Variants in THRB observed in about 807,000 individuals in gnomAD.
The protein encoded by THRB is nuclear receptor subfamily 1 group A member 2.
Under a neutral mutation model 47.8 loss-of-function variants are expected in THRB, and 12 were observed. The ratio of observed to expected loss-of-function variants is 0.25; its 90% confidence interval spans 0.16 to 0.41. The LOEUF (loss-of-function observed/expected upper bound fraction) is 0.41, where lower values mean the gene tolerates loss of function less well. THRB is among the 10% of genes least tolerant of loss of function. The pLI is 1.00. For synonymous variants in THRB, 218 were observed against 212.2 expected (o/e 1.03, Z -0.24); for missense variants, 348 against 589.2 (o/e 0.59, Z 4.24).
chr3:24,279,792 T>C (rs2054349598), intron 3 of THRB, among the ~76,000 whole-genome samples: 1 of 152,114 alleles, frequency 6.6e-6, no homozygotes, highest in African/African-American at 2.4e-5. Context: ...CACTGAAAAA[T>C]TCCTTTTTAA....
At chr3:24,138,916 A>G (rs1483832818) in intron 8 of THRB, among the ~76,000 whole-genome samples, 1 of 152,230 alleles carries the variant, frequency 6.6e-6, no homozygotes, top group African/African-American at 2.4e-5. Context: ...TTGCATGAAA[A>G]TTAAGGGAGC....
In THRB at chr3:24,392,036, A is replaced by G. The variant is rs115277548; in HGVS notation, c.-260-54665T>C. 4.4e-3 allele frequency among the ~76,000 whole-genome samples: 662 copies of G among 151,788 alleles called. 3 individuals carry two copies. The highest frequency in any genetic ancestry group is 6.8e-3 in the Non-Finnish European group (464 of 67,880). ...GTGTTCTACTGCCCTCATGGTGGCG[A>G]CCCCGCTGAGAATTTTGCCATTTCC... On this transcript the variant is annotated intron_variant, in intron 1 of 10. Coordinates refer to ENST00000646209, the MANE Select transcript of THRB (RefSeq NM_001354712.2).
intron 2 of THRB, among the ~76,000 whole-genome samples, chr3:24,315,149 G>A (rs535019485): frequency 1.3e-5 from 2 of 152,234 alleles, no homozygotes; most frequent in East Asian, 3.9e-4. Flanking sequence ...TTGTCCATTG[G>A]AAGCCCATGC....
chr3:24,345,535 G>A (rs190323543), intron 1 of THRB, among the ~76,000 whole-genome samples: 11 of 152,202 alleles, frequency 7.2e-5, no homozygotes, highest in African/African-American at 2.2e-4. Flanking sequence ...CTCAAGTTCC[G>A]TAATAGGACA....
intron 1 of THRB, among the ~76,000 whole-genome samples, chr3:24,468,635 A>G (rs1311403469): frequency 6.6e-6 from 1 of 152,188 alleles, no homozygotes; most frequent in Non-Finnish European, 1.5e-5. Flanking sequence ...CAGCAGTTAG[A>G]CACACACATT....
intron 5 of THRB, among the ~76,000 whole-genome samples, chr3:24,153,223 G>A (rs1229685636): frequency 7.9e-5 from 12 of 152,288 alleles, no homozygotes; most frequent in South Asian, 4.1e-4. Context: ...GAAAGGTCCC[G>A]GGAGATGACG....
At chr3:24,412,806 C>G (rs2068419677) in intron 1 of THRB, among the ~76,000 whole-genome samples, 1 of 151,652 alleles carries the variant, frequency 6.6e-6, no homozygotes, top group Admixed American at 6.6e-5. Flanking sequence ...AAAGTTCATA[C>G]AAGATTATTA....
chr3:24,213,496 T>C (rs570812336), intron 4 of THRB, among the ~76,000 whole-genome samples: 13 of 152,242 alleles, frequency 8.5e-5, no homozygotes, highest in Admixed American at 7.8e-4. Flanking sequence ...CCCTGGTCAA[T>C]ATTTCCAGTT....
chr3:24,203,005 T>C (rs567540020), intron 4 of THRB, among the ~76,000 whole-genome samples: 3 of 152,348 alleles, frequency 2.0e-5, no homozygotes, highest in Non-Finnish European at 4.4e-5. Flanking sequence ...GTAATTACTA[T>C]GGGCCATTTC....
intron 3 of THRB, among the ~76,000 whole-genome samples, chr3:24,230,727 A>G (rs2048175334): frequency 6.6e-6 from 1 of 152,140 alleles, no homozygotes; most frequent in Non-Finnish European, 1.5e-5. Context: ...CCACTCCTGA[A>G]TATTCTAAAG....
chr3:24,278,508 A>T (rs1425868103), intron 3 of THRB, among the ~76,000 whole-genome samples: 1 of 152,232 alleles, frequency 6.6e-6, no homozygotes, highest in Non-Finnish European at 1.5e-5. Flanking sequence ...TTGCTTCTGA[A>T]TAGAAAGCAT....
intron 2 of THRB, among the ~76,000 whole-genome samples, chr3:24,303,565 C>T: frequency 6.6e-6 from 1 of 152,164 alleles, no homozygotes; most frequent in East Asian, 1.9e-4. Context: ...CAAGCAGGCC[C>T]AGCTGAGATC....
At chr3:24,480,362 G>A (rs1377755749) in intron 1 of THRB, among the ~76,000 whole-genome samples, 4 of 152,150 alleles carry the variant, frequency 2.6e-5, no homozygotes, top group Non-Finnish European at 4.4e-5. Context: ...CATCCCCAAA[G>A]TCCCAGGCAC....
At chr3:24,272,936 T>C (rs2053504807) in intron 3 of THRB, among the ~76,000 whole-genome samples, 1 of 150,638 alleles carries the variant, frequency 6.6e-6, no homozygotes, top group South Asian at 2.1e-4. Context: ...AAATATTCAG[T>C]TTTTTAAAAA....
intron 4 of THRB, among the ~76,000 whole-genome samples, chr3:24,195,808 C>T (rs2043883592): frequency 6.6e-6 from 1 of 152,158 alleles, no homozygotes. Context: ...CTGCAGTGCC[C>T]CTGTCCAAAT....
At chr3:24,313,637 C>T (rs1197608124) in intron 2 of THRB, among the ~76,000 whole-genome samples, 2 of 151,980 alleles carry the variant, frequency 1.3e-5, no homozygotes, top group East Asian at 3.9e-4. Flanking sequence ...CTTTTCTTCC[C>T]CATTATTAAG....
intron 1 of THRB, among the ~76,000 whole-genome samples, chr3:24,399,729 A>G (rs1277459754): frequency 1.3e-5 from 2 of 152,132 alleles, no homozygotes; most frequent in Admixed American, 6.6e-5. Context: ...TCTCATTTAT[A>G]GAAACAAACA....
rs190786085 is a variant in THRB, at chr3:24,209,942, T to C, written c.22+18996A>G. ...ATAGTAACCAAAATAAGAAAAAATATTGTGCTGTTAACAATTATTCTGTTT... is the reference window on the plus strand; with the variant it reads ...ATAGTAACCAAAATAAGAAAAAATACTGTGCTGTTAACAATTATTCTGTTT... On this transcript the variant is annotated intron_variant, in intron 4 of 10. Transcript: ENST00000646209. 2.5e-3 allele frequency among the ~76,000 whole-genome samples: 377 copies of C among 152,300 alleles called. 3 individuals are homozygous for C. The highest frequency in any genetic ancestry group is 8.6e-3 in the African/African-American group (357 of 41,568).
intron 1 of THRB, among the ~76,000 whole-genome samples, chr3:24,487,612 T>C (rs868468656): frequency 6.6e-6 from 1 of 152,106 alleles, no homozygotes; most frequent in African/African-American, 2.4e-5. Flanking sequence ...CTGAAAACAA[T>C]GACAGGGTTT....
Sources: allele counts gnomAD v4.1 joint callset (sites outside exome capture counted in the v4.1 genomes callset), GRCh38; gene constraint gnomAD v4.1.1; transcripts MANE v1.5; gene names NCBI Gene and HGNC (gene_info 2026-07-23, HGNC 2026-07-21).